Variants in COL25A1 observed in about 807,000 individuals in gnomAD.
The protein encoded by COL25A1 is collagen type XXV alpha 1 chain.
COL25A1 carries 103 observed loss-of-function variants against 128.4 expected under a neutral mutation model. That is an observed-to-expected ratio of 0.80 (90% CI 0.68 to 0.94). The LOEUF is 0.94. Ranked by LOEUF, COL25A1 falls within the 40% of genes least tolerant of loss-of-function variation. The probability of loss-of-function intolerance (pLI) is 0.00; values close to 1 mark genes in which losing one functional copy is unlikely to be tolerated. For missense variants in COL25A1, 745 were observed against 840.0 expected (o/e 0.89, Z 1.40); for synonymous variants, 279 against 277.2 (o/e 1.01, Z -0.06).
At chr4:108,844,658 C>T (rs1734871955) in intron 29 of COL25A1, 89 bp from the exon 30 acceptor site, 4 of 1,510,990 alleles carry the variant, frequency 2.6e-6, no homozygotes, top group Non-Finnish European at 3.5e-6. Flanking sequence ...TCTGCTAAGG[C>T]CATTAGTAGT....
At chr4:108,917,121 G>T (rs958267842) in intron 13 of COL25A1, among the ~76,000 whole-genome samples, 4 of 152,124 alleles carry the variant, frequency 2.6e-5, no homozygotes, top group African/African-American at 7.2e-5. Flanking sequence ...AGAAACTGAG[G>T]CCAGAGAATT....
intron 3 of COL25A1, among the ~76,000 whole-genome samples, chr4:109,098,157 C>A (rs1275361416): frequency 6.6e-6 from 1 of 152,144 alleles, no homozygotes; most frequent in Non-Finnish European, 1.5e-5. Flanking sequence ...TCATCAATAT[C>A]ATCTACTTTC....
At chr4:109,269,385 A>G (rs1782029934) in intron 3 of COL25A1, among the ~76,000 whole-genome samples, 1 of 146,162 alleles carries the variant, frequency 6.8e-6, no homozygotes, top group African/African-American at 2.6e-5. Context: ...TAATGCCGCA[A>G]TAAACATACG....
intron 3 of COL25A1, among the ~76,000 whole-genome samples, chr4:109,079,450 T>C (rs1412450814): frequency 6.6e-6 from 1 of 152,216 alleles, no homozygotes; most frequent in Non-Finnish European, 1.5e-5. Flanking sequence ...AATGTTGTCA[T>C]TTTATGGGCT....
chr4:109,255,005 T>C (rs1355877229), intron 3 of COL25A1, among the ~76,000 whole-genome samples: 1 of 152,208 alleles, frequency 6.6e-6, no homozygotes, highest in African/African-American at 2.4e-5. Context: ...AAATCTCACC[T>C]GTCAGGGATG....
chr4:108,875,882 A>G (rs1386291089), intron 19 of COL25A1, among the ~76,000 whole-genome samples: 2 of 152,214 alleles, frequency 1.3e-5, no homozygotes, highest in Admixed American at 1.3e-4. Flanking sequence ...CTATGCCGCC[A>G]TAAAAAAGGA....
At chr4:108,996,337 T>C (rs2126021207) in intron 6 of COL25A1, among the ~76,000 whole-genome samples, 1 of 147,274 alleles carries the variant, frequency 6.8e-6, no homozygotes, top group East Asian at 2.0e-4. Flanking sequence ...TGGTCTCTGA[T>C]AAGACAGACT....
chr4:109,020,366 C>A (rs1757610696), intron 5 of COL25A1, among the ~76,000 whole-genome samples: 1 of 152,098 alleles, frequency 6.6e-6, no homozygotes, highest in South Asian at 2.1e-4. Flanking sequence ...ACAATTAATT[C>A]TCAATGGTTT....
chr4:109,114,674 C>A (rs118067431), intron 3 of COL25A1, among the ~76,000 whole-genome samples: 2 of 152,018 alleles, frequency 1.3e-5, no homozygotes, highest in Admixed American at 6.6e-5. Context: ...ACGTGACATA[C>A]GGGAATTTCA....
intron 3 of COL25A1, among the ~76,000 whole-genome samples, chr4:109,109,739 T>A (rs992916292): frequency 4.6e-5 from 7 of 152,192 alleles, no homozygotes; most frequent in African/African-American, 1.2e-4. Context: ...GGACTGTTAA[T>A]CCCAAAAATG....
At chr4:108,971,313 G>C (rs1408380485) in intron 8 of COL25A1, among the ~76,000 whole-genome samples, 1 of 152,100 alleles carries the variant, frequency 6.6e-6, no homozygotes, top group East Asian at 1.9e-4. Context: ...TCTATGTGAA[G>C]GGGTATGAAC....
intron 13 of COL25A1, among the ~76,000 whole-genome samples, chr4:108,906,244 C>T (rs939283326): frequency 3.3e-5 from 5 of 152,260 alleles, no homozygotes; most frequent in South Asian, 2.1e-4. Context: ...CACTGAACCC[C>T]GCCCCCACCT....
At chr4:109,016,655 C>G (rs1272088894) in intron 5 of COL25A1, among the ~76,000 whole-genome samples, 2 of 152,100 alleles carry the variant, frequency 1.3e-5, no homozygotes, top group Non-Finnish European at 2.9e-5. Context: ...AGCTACCACT[C>G]TGGGTCTTCT....
At chr4:109,138,068 T>C (rs1472077273) in intron 3 of COL25A1, among the ~76,000 whole-genome samples, 3 of 150,808 alleles carry the variant, frequency 2.0e-5, no homozygotes, top group Non-Finnish European at 3.0e-5. Context: ...ACACGTACCA[T>C]GGTGGTTTGC....
At chr4:109,291,153 T>A (rs1312055807) in intron 3 of COL25A1, among the ~76,000 whole-genome samples, 1 of 152,138 alleles carries the variant, frequency 6.6e-6, no homozygotes, top group Non-Finnish European at 1.5e-5. Context: ...TGTCCACAGC[T>A]AGCTACTCAT....
At chr4:109,108,272 T>C (rs1018687998) in intron 3 of COL25A1, among the ~76,000 whole-genome samples, 4 of 152,100 alleles carry the variant, frequency 2.6e-5, no homozygotes, top group Non-Finnish European at 5.9e-5. Context: ...TGAGTGAGAA[T>C]ATGCGGTGTT....
intron 3 of COL25A1, among the ~76,000 whole-genome samples, chr4:109,127,730 C>T (rs554799928): frequency 6.6e-6 from 1 of 152,070 alleles, no homozygotes; most frequent in Non-Finnish European, 1.5e-5. Flanking sequence ...TCAGTTGGTA[C>T]TTAGTAGGCC....
At chr4:109,214,058 T>C (rs1019335981) in intron 3 of COL25A1, among the ~76,000 whole-genome samples, 8 of 152,040 alleles carry the variant, frequency 5.3e-5, no homozygotes, top group Admixed American at 1.3e-4. Context: ...TTGCCTGATT[T>C]CTCCCTGTAA....
intron 11 of COL25A1, among the ~76,000 whole-genome samples, chr4:108,923,082 T>C (rs1388440757): frequency 6.6e-6 from 1 of 152,244 alleles, no homozygotes; most frequent in African/African-American, 2.4e-5. Context: ...TTATTTTTAC[T>C]GAGCAAGATT....
Sources: allele counts gnomAD v4.1 joint callset (sites outside exome capture counted in the v4.1 genomes callset), GRCh38; gene constraint gnomAD v4.1.1; transcripts MANE v1.5; gene names NCBI Gene and HGNC (gene_info 2026-07-23, HGNC 2026-07-21).